ANO1: variants seen among roughly 807,000 people sequenced by gnomAD.
The protein encoded by ANO1 is anoctamin 1, also known as anoctamin-1.
Under a neutral mutation model 124.0 loss-of-function variants are expected in ANO1, and 59 were observed. That is an observed-to-expected ratio of 0.48 (90% confidence interval 0.39 to 0.59). The LOEUF (loss-of-function observed/expected upper bound fraction) is 0.59. ANO1 is among the 20% of genes least tolerant of loss of function. The pLI, the probability that ANO1 is intolerant of heterozygous loss-of-function variation, is 0.00. For synonymous variants in ANO1, 529 were observed against 532.0 expected (o/e 0.99, Z 0.08); for missense variants, 1,059 against 1,328.0 (o/e 0.80, Z 3.15).
chr11:69,978,674 A>G, the ANO1 span, among the ~76,000 whole-genome samples: 2 of 152,084 alleles, frequency 1.3e-5, no homozygotes, highest in African/African-American at 4.8e-5. Flanking sequence ...TGATTGTCCT[A>G]TTTGTAAACT....
chr11:70,122,238 A>G (rs1305337232), intron 8 of ANO1, among the ~76,000 whole-genome samples: 1 of 12,814 alleles, frequency 7.8e-5, no homozygotes, highest in Non-Finnish European at 1.5e-4. Flanking sequence ...CATCTCCCCC[A>G]CCTCTCTGTC....
chr11:69,969,300 G>C, the ANO1 span, among the ~76,000 whole-genome samples: 1 of 152,326 alleles, frequency 6.6e-6, no homozygotes, highest in East Asian at 1.9e-4. Context: ...GCTGAGAAGG[G>C]TGGTAGGAGA....
the ANO1 span, among the ~76,000 whole-genome samples, chr11:69,968,216 CAGGAGGAGG>C: frequency 6.6e-6 from 1 of 152,116 alleles, no homozygotes; most frequent in Non-Finnish European, 1.5e-5. Context: ...TAGTACAAAG[CAGGAGGAGG>C]AGGCCATTCT....
intron 1 of ANO1, among the ~76,000 whole-genome samples, chr11:70,016,240 C>A (rs782673972): frequency 1.3e-5 from 2 of 152,100 alleles, no homozygotes; most frequent in Admixed American, 6.5e-5. Flanking sequence ...GTTGGCCAGG[C>A]TGGTCTCAAA....
At chr11:69,995,094 T>G (rs1381343704) in intron 1 of ANO1, among the ~76,000 whole-genome samples, 1 of 21,430 alleles carries the variant, frequency 4.7e-5, no homozygotes, top group Admixed American at 6.7e-4. Context: ...GCTGGCACTG[T>G]TTTTTTTTTT....
At chr11:70,120,384 G>A (rs1056868414) in intron 8 of ANO1, among the ~76,000 whole-genome samples, 4 of 152,170 alleles carry the variant, frequency 2.6e-5, no homozygotes, top group Non-Finnish European at 4.4e-5. Flanking sequence ...CTTTGGATGT[G>A]CAGAAGGTGT....
At position 70,161,382 on chromosome 11, in the gene ANO1, G is replaced by A. The variant is rs1203575513; in HGVS notation, c.1780+20G>A. 4 of 1,611,946 alleles carry A rather than the reference G, an allele frequency of 2.5e-6. No individual in the cohort carries two copies. Among genetic ancestry groups the A allele is most frequent in the Non-Finnish European group, 3.4e-6 (4 of 1,178,226 alleles). ...AGATCGGTGAGTGCCCATGTTCCAG[G>A]TACTGTGGCCTGGACTCAGGCAGCT... On this transcript the variant is annotated intron_variant, in intron 17 of 25. Coordinates refer to ENST00000355303, the MANE Select transcript of ANO1 (RefSeq NM_018043.7).
At position 70,156,967 on chromosome 11, in the gene ANO1, A is replaced by G. The variant is rs1218348274; in HGVS notation, c.1524A>G (p.Thr508=). 1.9e-6 allele frequency: 3 copies of G among 1,613,750 alleles called. No individual in the cohort carries two copies. The highest frequency in any genetic ancestry group is 2.5e-6 in the Non-Finnish European group (3 of 1,179,814). The part of the protein sequence containing the change: ...GVKLTDKVKL[T]WRDRFPAYLT... The stretch of plus-strand genomic sequence containing the variant: ...TGTAGACTGACAAAGTGAAGCTGAC[A>G]TGGAGAGATCGGTTCCCAGCCTACC... Residue 508 remains threonine, a synonymous_variant, in exon 16 of 26, where the codon ACA becomes ACG. Transcript: ENST00000355303.
chr11:70,172,249 C>G (rs976757307), intron 22 of ANO1, among the ~76,000 whole-genome samples: 61 of 151,958 alleles, frequency 4.0e-4, no homozygotes, highest in African/African-American at 1.4e-3. Flanking sequence ...TAAGCAGAGA[C>G]AGGGTGACGA....
chr11:70,170,263 G>A, intron 21 of ANO1: 1 of 428,874 alleles, frequency 2.3e-6, no homozygotes, highest in Non-Finnish European at 4.6e-6. Flanking sequence ...ACCACAGGCT[G>A]GGCCTTTGAG....
intron 10 of ANO1, among the ~76,000 whole-genome samples, chr11:70,127,270 G>A (rs996487344): frequency 3.7e-4 from 57 of 152,130 alleles, no homozygotes; most frequent in Non-Finnish European, 6.8e-4. Context: ...GCTGGCGCTC[G>A]TGGGCTGTAC....
At chr11:70,064,658 C>T in intron 1 of ANO1, 1 of 152,630 alleles carries the variant, frequency 6.6e-6, no homozygotes, top group Non-Finnish European at 1.5e-5. Context: ...TTTCCCCTTG[C>T]CGTGGGAAGT....
At chr11:70,104,949 GT>G (rs1208396934) in intron 4 of ANO1, among the ~76,000 whole-genome samples, 2 of 152,128 alleles carry the variant, frequency 1.3e-5, no homozygotes, top group Non-Finnish European at 2.9e-5. Context: ...CATTTACCAG[GT>G]CCTGATTCCT....
chr11:70,044,078 G>A (rs1327561619), intron 1 of ANO1, among the ~76,000 whole-genome samples: 2 of 151,914 alleles, frequency 1.3e-5, no homozygotes, highest in South Asian at 2.1e-4. Flanking sequence ...GTATATTGTT[G>A]AAAGGTTTTT....
intron 15 of ANO1, 133 bp downstream of exon 15, chr11:70,156,121 C>T (rs966181571): frequency 8.7e-5 from 85 of 980,146 alleles, no homozygotes; most frequent in Non-Finnish European, 1.1e-4. Context: ...TGTCTTCCTT[C>T]GGCACCCAGT....
chr11:70,153,723 C>T (rs947369898), intron 14 of ANO1, among the ~76,000 whole-genome samples: 1 of 152,140 alleles, frequency 6.6e-6, no homozygotes, highest in Admixed American at 6.6e-5. Flanking sequence ...CCAGGACTCT[C>T]GAAGACCTCC....
chr11:70,112,356 G>A (rs1168902987), intron 7 of ANO1, among the ~76,000 whole-genome samples: 2 of 152,296 alleles, frequency 1.3e-5, no homozygotes, highest in East Asian at 3.9e-4. Context: ...CTGAAACTTT[G>A]CAAATGTGCA....
chr11:70,088,487 G>A (rs1362065857), intron 2 of ANO1, among the ~76,000 whole-genome samples: 2 of 139,468 alleles, frequency 1.4e-5, no homozygotes, highest in African/African-American at 2.7e-5. Context: ...CCAGCCTGGC[G>A]ACAGAGTGAG....
At chr11:70,163,520 C>G (rs2048135804) in intron 19 of ANO1, 180 bp downstream of exon 19, 1 of 724,298 alleles carries the variant, frequency 1.4e-6, no homozygotes. Context: ...TTAATCTTAT[C>G]TGGTGTGTTC....
Sources: gnomAD v4.1 joint callset for allele counts (sites outside exome capture counted in the v4.1 genomes callset) on GRCh38, gnomAD v4.1.1 for gene constraint, MANE v1.5 for transcripts, NCBI Gene and HGNC (gene_info 2026-07-23, HGNC 2026-07-21) for gene names.